WDR3: variants seen among roughly 807,000 people sequenced by gnomAD.
WDR3 encodes WD repeat domain 3.
In WDR3, 81 loss-of-function variants were observed where a neutral mutation model predicts 123.7. That is an observed-to-expected ratio of 0.65 (90% CI 0.55 to 0.79). The LOEUF (loss-of-function observed/expected upper bound fraction) is 0.79. Among genes scored for constraint, WDR3 ranks in the 30% least tolerant of loss-of-function variants. WDR3 has a pLI of 0.00. For missense variants in WDR3, 1,027 were observed against 1,123.2 expected, an observed-to-expected ratio of 0.91 and a Z score of 1.22; for synonymous variants, 390 against 388.8, an observed-to-expected ratio of 1.00 and a Z score of -0.04.
At position 117,949,766 on chromosome 1, in the gene WDR3, G is replaced by A; in HGVS notation, c.1540G>A (p.Gly514Ser). 1 of 1,613,702 alleles carries A rather than the reference G, an allele frequency of 6.2e-7. No individual in the cohort carries two copies. The highest frequency in any genetic ancestry group is 1.1e-5 in the South Asian group (1 of 91,036). ...LSPDQRGFVT[G>S]GADKSVKFWD... is the part of the protein sequence containing the mutation. ...TGATTTTCAGCGTGGCTTTGTGACA[G>A]GTGGTGCAGATAAATCTGTCAAATT... Residue 514 changes from glycine (G) to serine (S), a missense_variant, in exon 14 of 27, where the codon GGT becomes AGT. Coordinates refer to ENST00000349139, the MANE Select transcript of WDR3 (RefSeq NM_006784.3).
intron 18 of WDR3, 46 bp downstream of exon 18, chr1:117,952,454 T>C: frequency 1.3e-6 from 2 of 1,599,670 alleles, no homozygotes; most frequent in Non-Finnish European, 1.7e-6. Flanking sequence ...AGAAATACTT[T>C]TAAGAATATT....
Position 117,957,162 on chromosome 1 carries a change from G to C in WDR3, c.2548G>C (p.Glu850Gln). 1 of 1,612,240 alleles carries C rather than the reference G, an allele frequency of 6.2e-7. No homozygotes were observed. Among genetic ancestry groups the C allele is most frequent in the Non-Finnish European group, 8.5e-7 (1 of 1,179,304 alleles). ...ATTCATTCAGCTGGGCTCTGATGTT[G>C]AACTTATATGCCGGTGCCTCTTCTT... is the stretch of plus-strand genomic sequence containing the variant. ...NEFIQLGSDV[E>Q]LICRCLFFLL... Residue 850 changes from glutamate (E) to glutamine (Q), a missense_variant, in exon 25 of 27, where the codon GAA (glutamate) becomes CAA (glutamine). Transcript: ENST00000349139.
chr1:117,934,089 C>T (rs1650832265), intron 2 of WDR3, among the ~76,000 whole-genome samples: 1 of 152,178 alleles, frequency 6.6e-6, no homozygotes, highest in Admixed American at 6.5e-5. Context: ...TCTGTTGCCA[C>T]ACAGATTATT....
rs1454210123 is a variant in WDR3, at chr1:117,959,506, AAGCAC to A, written c.*62_*66del. The A allele has an allele frequency of 1.4e-6, 2 of 1,468,838 alleles. No individual in the cohort carries two copies. Among genetic ancestry groups the A allele is most frequent in the African/African-American group, 2.9e-5 (2 of 69,640 alleles). The allele number at this position is 1,468,838 out of a possible 1,614,324, so 91.0% of individuals were successfully genotyped here. ...TTTTCCTTTAAAGGACTCCTAAACT[AAGCAC>A]AGAAGAGTTGGCGTCATCTTAAAAA... is the stretch of plus-strand genomic sequence containing the variant. On this transcript the variant is annotated 3_prime_UTR_variant, in exon 27 of 27. Transcript: ENST00000349139.
chr1:117,945,282 A>G (rs1651330633), intron 11 of WDR3, among the ~76,000 whole-genome samples: 1 of 152,110 alleles, frequency 6.6e-6, no homozygotes, highest in African/African-American at 2.4e-5. Flanking sequence ...TACCTTACAC[A>G]CCTTATCTCT....
chr1:117,957,117 A>T lies in WDR3; in HGVS notation c.2503A>T (p.Ile835Phe). 1 of 1,611,188 alleles carries T rather than the reference A, an allele frequency of 6.2e-7. No individual in the cohort carries two copies. The highest frequency in any genetic ancestry group is 8.5e-7 in the Non-Finnish European group (1 of 1,178,904). Residue 835 changes from isoleucine to phenylalanine, a missense_variant, in exon 25 of 27, where the codon ATT becomes TTT. By Grantham distance (21) the Ile-to-Phe change is conservative (BLOSUM62 0). Transcript: ENST00000349139. ...GCTGCCTTTCTCTTATGTCCCAGACATTCTTAAACTCTTTAACGAATTCAT... is the reference window on the plus strand; with the variant it reads ...GCTGCCTTTCTCTTATGTCCCAGACTTTCTTAAACTCTTTAACGAATTCAT... ...LVLPFSYVPD[I>F]LKLFNEFIQL... is the part of the protein sequence containing the mutation.
chr1:117,931,745 GA>G (rs1650742788), intron 1 of WDR3, among the ~76,000 whole-genome samples: 3 of 152,290 alleles, frequency 2.0e-5, no homozygotes, highest in African/African-American at 7.2e-5. Flanking sequence ...GGAATAAGAG[GA>G]ATTGGGAAAG....
intron 26 of WDR3, 42 bp downstream of exon 26, chr1:117,959,045 C>T: frequency 3.8e-6 from 6 of 1,578,078 alleles, no homozygotes; most frequent in Non-Finnish European, 5.2e-6. Context: ...AGGCAAATTC[C>T]TAGTGTGATT....
Position 117,963,662 on chromosome 1 carries a change from C to T in WDR3, c.*4215C>T. 16 of 801,332 alleles carry T rather than the reference C, an allele frequency of 2.0e-5. No individual in the cohort carries two copies. Among genetic ancestry groups the T allele is most frequent in the Non-Finnish European group, 2.8e-5 (15 of 532,426 alleles). 49.6% of individuals were successfully genotyped at this position (801,332 alleles called of 1,614,324 possible). A position where few individuals can be genotyped will look rare whatever the true frequency, so the allele number is the denominator to read the frequency against. ...TACAGGTGTGAGCCACCGGGCCCGG[C>T]CTAAACAAATATTTTCATTCATTCA... On this transcript the variant is annotated 3_prime_UTR_variant, in exon 27 of 27. Transcript: ENST00000349139.
At chr1:117,931,745 G>A (rs541388491) in intron 1 of WDR3, among the ~76,000 whole-genome samples, 1 of 152,172 alleles carries the variant, frequency 6.6e-6, no homozygotes, top group Non-Finnish European at 1.5e-5. Context: ...GGAATAAGAG[G>A]AATTGGGAAA....
In WDR3 at chr1:117,946,115, C is replaced by G; in HGVS notation, c.1358C>G (p.Thr453Ser). ...ACACTGCAGTGTATTCGCACAATGA[C>G]CTGTGAATATGCACTTTGCTCATTC... ...RSTLQCIRTM[T>S]CEYALCSFFV... The change falls in exon 12 of 27, where the codon ACC becomes AGC. Residue 453 changes from threonine to serine, a missense_variant. By Grantham distance (58) the Thr-to-Ser change is moderately conservative. Transcript: ENST00000349139. The G allele has an allele frequency of 6.2e-7, 1 of 1,612,906 alleles. No homozygotes were observed. Among genetic ancestry groups the G allele is most frequent in the East Asian group, 2.2e-5 (1 of 44,820 alleles).
At chr1:117,938,312 A>T (rs1481976259) in intron 4 of WDR3, among the ~76,000 whole-genome samples, 168 bp from the exon 5 acceptor site, 1 of 152,240 alleles carries the variant, frequency 6.6e-6, no homozygotes, top group African/African-American at 2.4e-5. Context: ...AACTACAAGG[A>T]AAGTTAGGAT....
At chr1:117,942,279 T>C (rs115105546) in intron 9 of WDR3, among the ~76,000 whole-genome samples, 158 bp from the exon 10 acceptor site, 3 of 152,340 alleles carry the variant, frequency 2.0e-5, no homozygotes, top group Non-Finnish European at 2.9e-5. Context: ...TTTCCACTTA[T>C]ACTACATTGT....
rs1057386620 is a variant in WDR3 at position 117,964,718 on chromosome 1, A to C, written c.*5271A>C. On this transcript the variant is annotated 3_prime_UTR_variant, in exon 27 of 27. Transcript: ENST00000349139. ...CTGTCCTCCCACTGGAATGTAAGCT[A>C]CATAAAGGCAGGCGTTTCGGCATCT... The C allele has an allele frequency of 2.0e-5, 3 of 152,228 alleles. No individual in the cohort carries two copies. The highest frequency in any genetic ancestry group is 7.2e-5 in the African/African-American group (3 of 41,448). 9.4% of individuals were successfully genotyped at this position (152,228 alleles called of 1,614,324 possible).
chr1:117,955,155 C>T (rs1451319748), intron 23 of WDR3, 160 bp from the exon 24 acceptor site: 1 of 553,680 alleles, frequency 1.8e-6, no homozygotes, highest in Non-Finnish European at 3.1e-6. Flanking sequence ...GTTGTCAACC[C>T]AGATCTGACT....
intron 7 of WDR3, 38 bp downstream of exon 7, chr1:117,940,978 A>G (rs767011831): frequency 1.8e-5 from 29 of 1,593,050 alleles, no homozygotes; most frequent in Non-Finnish European, 1.7e-6. Flanking sequence ...ATTGTGTTGA[A>G]TAATGGGAAA....
intron 20 of WDR3, 100 bp downstream of exon 20, chr1:117,953,096 G>T: frequency 7.5e-7 from 1 of 1,341,230 alleles, no homozygotes. Context: ...TAAAATTGAG[G>T]CTAGAAGTTG....
In WDR3 at chr1:117,960,478, G is replaced by GC. The variant is rs1179653613; in HGVS notation, c.*1032dup. ...ATGAATTGTCTGTCTGGATTGGCAG[G>GC]CAACCACAGCCGCAGACCTCAATCT... is the stretch of plus-strand genomic sequence containing the variant. On this transcript the variant is annotated 3_prime_UTR_variant, in exon 27 of 27. Transcript: ENST00000349139. 2.0e-5 allele frequency: 3 copies of GC among 152,192 alleles called. No homozygotes were observed. Among genetic ancestry groups the GC allele is most frequent in the Non-Finnish European group, 4.4e-5 (3 of 68,052 alleles). 9.4% of individuals were successfully genotyped at this position (152,192 alleles called of 1,614,324 possible).
chr1:117,959,539 C>T lies in WDR3; in HGVS notation c.*92C>T, dbSNP rs12403592. The T allele has an allele frequency of 8.8e-3, 11,544 of 1,315,900 alleles. 311 individuals are homozygous for T. In the Admixed American group the frequency reaches 0.1, roughly 12 times the overall value. 81.5% of individuals were successfully genotyped at this position (1,315,900 alleles called of 1,614,324 possible). Reference sequence around the variant, plus strand: ...AAGAGTTGGCGTCATCTTAAAAATACCAAATAACAGAAGATCGCATTGCAG... The same window carrying T: ...AAGAGTTGGCGTCATCTTAAAAATATCAAATAACAGAAGATCGCATTGCAG... On this transcript the variant is annotated 3_prime_UTR_variant, in exon 27 of 27. Coordinates refer to ENST00000349139, the MANE Select transcript of WDR3 (RefSeq NM_006784.3).
Sources: allele counts gnomAD v4.1 joint callset (sites outside exome capture counted in the v4.1 genomes callset), GRCh38; gene constraint gnomAD v4.1.1; transcripts MANE v1.5; gene names NCBI Gene and HGNC (gene_info 2026-07-23, HGNC 2026-07-21).